Variants in DOCK10 observed in about 807,000 individuals in gnomAD.
DOCK10 encodes the protein dedicator of cytokinesis 10.
DOCK10 carries 145 observed loss-of-function variants against 280.1 expected under a neutral mutation model. The ratio of observed to expected loss-of-function variants is 0.52; its 90% CI spans 0.45 to 0.59. DOCK10 has a LOEUF of 0.59. Ranked by LOEUF, DOCK10 falls within the 20% of genes least tolerant of loss-of-function variation. The pLI is 0.00. For synonymous variants in DOCK10, 915 were observed against 942.2 expected, an observed-to-expected ratio of 0.97 and a Z score of 0.53; for missense variants, 2,368 against 2,651.7, an observed-to-expected ratio of 0.89 and a Z score of 2.35.
chr2:225,042,266 G>T lies in DOCK10; in HGVS notation c.109C>A (p.Arg37=), dbSNP rs1466510021. 1 of 1,320,532 alleles carries T rather than the reference G, an allele frequency of 7.6e-7. No homozygotes were observed. The highest frequency in any genetic ancestry group is 9.7e-7 in the Non-Finnish European group (1 of 1,035,908). 81.8% of individuals were successfully genotyped at this position (1,320,532 alleles called of 1,614,324 possible). ...GCCGCACTCACCCGCTGCTGCTGCC[G>T]GCTGCTGACTGCCACCGCGGCGGCG... The part of the protein sequence containing the change: ...ASAAAVAVSS[R]QQQRQEKPRL... Residue 37 remains arginine (R), a synonymous_variant, in exon 1 of 56, where the codon CGG becomes AGG. Coordinates refer to ENST00000258390, the MANE Select transcript of DOCK10 (RefSeq NM_014689.3). This position sits in a 1 kb window ranked among gnomAD's most constrained non-coding sequence, Gnocchi z 5.1.
At chr2:225,035,484 T>C (rs1241951374) in intron 1 of DOCK10, among the ~76,000 whole-genome samples, 1 of 142,972 alleles carries the variant, frequency 7.0e-6, no homozygotes, top group Non-Finnish European at 1.5e-5. Flanking sequence ...TTTTTTTAAA[T>C]CCCTAAGGGT....
intron 11 of DOCK10, 30 bp from the exon 12 acceptor site, chr2:224,865,117 T>G: frequency 6.2e-7 from 1 of 1,600,076 alleles, no homozygotes; most frequent in African/African-American, 1.3e-5. Flanking sequence ...CAGATGTTTT[T>G]GATATAAAAT....
At chr2:224,953,156 T>G (rs1014893627) in intron 1 of DOCK10, among the ~76,000 whole-genome samples, 28 of 152,372 alleles carry the variant, frequency 1.8e-4, no homozygotes, top group African/African-American at 6.7e-4. Flanking sequence ...GTAAGGCACC[T>G]CCTATTCATT....
At chr2:224,918,813 G>A (rs1323679728) in intron 2 of DOCK10, among the ~76,000 whole-genome samples, 4 of 143,446 alleles carry the variant, frequency 2.8e-5, no homozygotes, top group Non-Finnish European at 6.3e-5. Context: ...TATGTGTGGT[G>A]TGAGTGTATG....
intron 1 of DOCK10, among the ~76,000 whole-genome samples, chr2:224,961,412 C>CTTTCTTTTTCTTTCTT (rs57668925): frequency 4.5e-4 from 54 of 119,464 alleles, no homozygotes; most frequent in African/African-American, 1.8e-3. Context: ...TTCTTTCTTT[C>CTTTCTTTTTCTTTCTT]TCTTTCTTTC....
At chr2:225,041,147 C>G (rs1690412491) in intron 1 of DOCK10, among the ~76,000 whole-genome samples, 1 of 152,204 alleles carries the variant, frequency 6.6e-6, no homozygotes, top group Non-Finnish European at 1.5e-5. Flanking sequence ...AGAGAATAGT[C>G]CTGGCTGTGG....
chr2:224,863,390 G>T (rs1223231437), intron 13 of DOCK10, among the ~76,000 whole-genome samples: 1 of 152,134 alleles, frequency 6.6e-6, no homozygotes, highest in African/African-American at 2.4e-5. Context: ...TTCAATTCTT[G>T]TAAGTTATTT....
intron 11 of DOCK10, among the ~76,000 whole-genome samples, chr2:224,873,205 C>T (rs575865838): frequency 6.6e-6 from 1 of 152,264 alleles, no homozygotes; most frequent in South Asian, 2.1e-4. Context: ...TGGGAAGTCA[C>T]AGGGTTTGTT....
In DOCK10 at chr2:224,765,673, G is replaced by C. The variant is rs767828953; in HGVS notation, c.*48C>G. On this transcript the variant is annotated 3_prime_UTR_variant, in exon 56 of 56. Transcript: ENST00000258390. Reference sequence around the variant, plus strand: ...ATCTTTCTCTTCCCCGAGATTAGCTGCAAATTCAGAAAGTTCTCTTAGAGG... The same window carrying C: ...ATCTTTCTCTTCCCCGAGATTAGCTCCAAATTCAGAAAGTTCTCTTAGAGG... 1 of 1,307,888 alleles carries C rather than the reference G, an allele frequency of 7.6e-7. No individual in the cohort carries two copies. The highest frequency in any genetic ancestry group is 1.1e-6 in the Non-Finnish European group (1 of 919,686). 81.0% of individuals were successfully genotyped at this position (1,307,888 alleles called of 1,614,324 possible).
intron 1 of DOCK10, among the ~76,000 whole-genome samples, chr2:224,956,297 T>C (rs948249608): frequency 8.5e-5 from 13 of 152,176 alleles, no homozygotes; most frequent in African/African-American, 3.1e-4. Context: ...TCAGTAGCTC[T>C]CATTTGGGGG....
chr2:225,005,776 T>A (rs2940191), intron 1 of DOCK10, among the ~76,000 whole-genome samples: 1 of 152,160 alleles, frequency 6.6e-6, no homozygotes, highest in African/African-American at 2.4e-5. Flanking sequence ...GACAAACTAA[T>A]GTTAAATTGA....
In DOCK10 at chr2:224,878,142, C is replaced by T. The variant is rs144300789; in HGVS notation, c.748-1921G>A. On this transcript the variant is annotated intron_variant, in intron 7 of 55. Coordinates refer to ENST00000258390, the MANE Select transcript of DOCK10 (RefSeq NM_014689.3). ...CAAGCAAAAATTTCTAATACCCCTCCGGCAATGTTCTCTTTCTTTGGGATA... is the reference window on the plus strand; with the variant it reads ...CAAGCAAAAATTTCTAATACCCCTCTGGCAATGTTCTCTTTCTTTGGGATA... 1.1e-4 allele frequency among the ~76,000 whole-genome samples: 17 copies of T among 152,234 alleles called. No individual in the cohort carries two copies. The South Asian group carries it at 1.9e-3, about 17-fold the overall frequency.
At chr2:225,025,952 A>G (rs1057244125) in intron 1 of DOCK10, among the ~76,000 whole-genome samples, 1 of 152,188 alleles carries the variant, frequency 6.6e-6, no homozygotes, top group African/African-American at 2.4e-5. Flanking sequence ...ATAAAAATTA[A>G]TTAAGGTATT....
At chr2:225,004,703 C>CA (rs1439509104) in intron 1 of DOCK10, among the ~76,000 whole-genome samples, 4 of 152,216 alleles carry the variant, frequency 2.6e-5, no homozygotes, top group Admixed American at 2.6e-4. Flanking sequence ...ATTCAGAGAG[C>CA]ATTTGTTTTC....
chr2:224,841,464 C>A (rs1193890477), intron 23 of DOCK10, among the ~76,000 whole-genome samples: 1 of 151,950 alleles, frequency 6.6e-6, no homozygotes, highest in Non-Finnish European at 1.5e-5. Flanking sequence ...CTGTAGCCCA[C>A]CTTTATCTGG....
chr2:224,998,467 G>A (rs1706335975), intron 1 of DOCK10, among the ~76,000 whole-genome samples: 1 of 152,052 alleles, frequency 6.6e-6, no homozygotes, highest in African/African-American at 2.4e-5. Context: ...GCAAGGGAAG[G>A]TTTCCCTTCT....
chr2:225,041,653 C>T (rs991347014), intron 1 of DOCK10, among the ~76,000 whole-genome samples: 3 of 152,232 alleles, frequency 2.0e-5, no homozygotes, highest in African/African-American at 7.2e-5. Flanking sequence ...AGCCTGTGTT[C>T]CTCAGCCCTT....
At chr2:224,840,674 C>A (rs892762633) in intron 23 of DOCK10, among the ~76,000 whole-genome samples, 2 of 152,018 alleles carry the variant, frequency 1.3e-5, no homozygotes, top group African/African-American at 4.8e-5. Context: ...GAATGTAAAT[C>A]AGAAGAGCCA....
intron 3 of DOCK10, among the ~76,000 whole-genome samples, chr2:224,900,390 C>A (rs891814181): frequency 1.3e-5 from 2 of 151,946 alleles, no homozygotes; most frequent in Non-Finnish European, 2.9e-5. Context: ...ACTATTATTC[C>A]CATTTTATAG....
Sources: allele counts gnomAD v4.1 joint callset (sites outside exome capture counted in the v4.1 genomes callset), GRCh38; gene constraint gnomAD v4.1.1; non-coding constraint Gnocchi (gnomAD v3.1); transcripts MANE v1.5; gene names NCBI Gene and HGNC (gene_info 2026-07-23, HGNC 2026-07-21).